RBFOX1: variants seen among roughly 807,000 people sequenced by gnomAD.
RBFOX1 encodes RNA binding protein fox-1 homolog 1.
RBFOX1 carries 8 observed loss-of-function variants against 57.7 expected under a neutral mutation model. The observed-to-expected ratio is 0.14, with a 90% CI of 0.08 to 0.25. The LOEUF (loss-of-function observed/expected upper bound fraction) is 0.25, where lower values mean the gene tolerates loss of function less well. Ranked by LOEUF, RBFOX1 falls within the 10% of genes least tolerant of loss-of-function variation. RBFOX1 has a pLI of 1.00. For missense variants in RBFOX1, 611 were observed against 548.5 expected, an observed-to-expected ratio of 1.11 and a Z score of -1.14; for synonymous variants, 326 against 222.4, an observed-to-expected ratio of 1.47 and a Z score of -4.15.
chr16:7,181,144 C>T (rs997541841), intron 4 of RBFOX1, among the ~76,000 whole-genome samples: 1 of 152,194 alleles, frequency 6.6e-6, no homozygotes, highest in African/African-American at 2.4e-5. Context: ...CCTTCCTTGT[C>T]ATGTGCCAGG....
At position 5,767,722 on chromosome 16, in the gene RBFOX1, G is replaced by C. The variant is rs555801823; in HGVS notation, c.319-99581G>C. On this transcript the variant is annotated intron_variant, in intron 3 of 19. Transcript: ENST00000641259. ...GGCATAAATGAAGCTTTGTTGACAG[G>C]GGAATCCTGTTTGCTGTAATTAGAT... Among the ~76,000 whole-genome samples the C allele has an allele frequency of 1.2e-3, 188 of 152,226 alleles. 1 individual carries two copies. Among genetic ancestry groups the C allele is most frequent in the African/African-American group, 4.3e-3 (177 of 41,542 alleles).
chr16:7,028,042 C>T (rs916224714), intron 3 of RBFOX1, among the ~76,000 whole-genome samples: 1 of 152,038 alleles, frequency 6.6e-6, no homozygotes, highest in Non-Finnish European at 1.5e-5. Context: ...TATTTAATCT[C>T]CAGCACAGAA....
rs1294787257 is a variant in RBFOX1 at position 6,230,951 on chromosome 16, G to A, written c.-126-86044G>A. Among the ~76,000 whole-genome samples, 3 of 152,146 alleles carry A rather than the reference G, an allele frequency of 2.0e-5. No homozygotes were observed. The East Asian group carries it at 5.8e-4, about 29-fold the overall frequency. ...GAAAATGAAGTAGATGTAGCCCTCT[G>A]ACTTTATAGGGGCTTGCAGTCTGGG... On this transcript the variant is annotated intron_variant, in intron 1 of 15. Transcript: ENST00000550418.
chr16:7,598,863 T>C (rs1424986236), intron 9 of RBFOX1, among the ~76,000 whole-genome samples: 3 of 152,202 alleles, frequency 2.0e-5, no homozygotes, highest in Non-Finnish European at 2.9e-5. Flanking sequence ...TAAATACTGA[T>C]TGTTTATCAC....
At chr16:5,754,183 T>C (rs2053315009) in intron 3 of RBFOX1, among the ~76,000 whole-genome samples, 1 of 152,192 alleles carries the variant, frequency 6.6e-6, no homozygotes, top group Admixed American at 6.5e-5. Flanking sequence ...TAGTTTTGAA[T>C]CCCACCTCTG....
intron 3 of RBFOX1, among the ~76,000 whole-genome samples, chr16:6,744,837 G>C (rs1317118949): frequency 1.3e-5 from 2 of 151,974 alleles, no homozygotes; most frequent in Non-Finnish European, 2.9e-5. Flanking sequence ...ATAAAGATCA[G>C]GGTTGAAATC....
chr16:7,692,263 G>T (rs1216038588), intron 14 of RBFOX1, among the ~76,000 whole-genome samples: 1 of 152,064 alleles, frequency 6.6e-6, no homozygotes, highest in Non-Finnish European at 1.5e-5. Context: ...TATTTTATTG[G>T]TGTAGAAATG....
At chr16:5,967,494 C>G (rs377555921) in intron 4 of RBFOX1, among the ~76,000 whole-genome samples, 123 of 152,292 alleles carry the variant, frequency 8.1e-4, no homozygotes, top group African/African-American at 2.8e-3. Context: ...TGACCATAAT[C>G]TGAGTGCTAG....
chr16:7,355,454 A>C (rs1238355642), intron 4 of RBFOX1, among the ~76,000 whole-genome samples: 1 of 152,042 alleles, frequency 6.6e-6, no homozygotes, highest in Non-Finnish European at 1.5e-5. Flanking sequence ...AACGATTTGG[A>C]GTGTGAGTCC....
chr16:6,068,221 C>T lies in RBFOX1; in HGVS notation c.-127+48229C>T, dbSNP rs527978428. 1.6e-4 allele frequency among the ~76,000 whole-genome samples: 24 copies of T among 152,324 alleles called. 1 individual carries two copies. The highest frequency in any genetic ancestry group is 5.8e-4 in the African/African-American group (24 of 41,582). ...TACATACCTGGCTTGTGGTCCAGTG[C>T]AAGCTCCCTGGCAGCTTGGGAAATG... is the stretch of plus-strand genomic sequence containing the variant. On this transcript the variant is annotated intron_variant, in intron 1 of 15. Transcript: ENST00000550418.
intron 3 of RBFOX1, among the ~76,000 whole-genome samples, chr16:5,748,268 ATTTGCTGAGGAGTGC>A (rs2053062724): frequency 1.3e-5 from 2 of 151,996 alleles, no homozygotes; most frequent in South Asian, 4.2e-4. Context: ...GTTCTTTTAC[ATTTGCTGAGGAGTGC>A]TTTACTTCCA....
At chr16:7,060,151 T>G (rs1040086070) in intron 4 of RBFOX1, among the ~76,000 whole-genome samples, 2 of 152,296 alleles carry the variant, frequency 1.3e-5, no homozygotes, top group Admixed American at 1.3e-4. Flanking sequence ...TGTGACTATT[T>G]TAGGACCTGA....
chr16:5,909,089 C>A (rs2343342), intron 4 of RBFOX1, among the ~76,000 whole-genome samples: 1 of 79,406 alleles, frequency 1.3e-5, no homozygotes, highest in African/African-American at 3.6e-5. Context: ...ACTAAGCCCC[C>A]CTTTTTTTTT....
At chr16:7,061,852 A>G (rs934393135) in intron 4 of RBFOX1, among the ~76,000 whole-genome samples, 10 of 152,134 alleles carry the variant, frequency 6.6e-5, no homozygotes, top group African/African-American at 2.4e-4. Flanking sequence ...CCATTTCAGG[A>G]GAAAAAAAAA....
chr16:7,230,004 G>C (rs1285287937), intron 4 of RBFOX1, among the ~76,000 whole-genome samples: 1 of 129,092 alleles, frequency 7.7e-6, no homozygotes, highest in Non-Finnish European at 1.6e-5. Context: ...GGGAGGAAGG[G>C]AGAGAGAGGG....
chr16:5,955,361 T>TAAATA (rs2059613721), intron 4 of RBFOX1, among the ~76,000 whole-genome samples: 1 of 23,792 alleles, frequency 4.2e-5, no homozygotes, highest in Non-Finnish European at 6.8e-5. Context: ...TAAATAAAAA[T>TAAATA]AAAATAAAAT....
chr16:6,227,915 G>A (rs942911775), intron 1 of RBFOX1, among the ~76,000 whole-genome samples: 2 of 152,172 alleles, frequency 1.3e-5, no homozygotes, highest in African/African-American at 2.4e-5. Context: ...ACTACCATAT[G>A]ATTCAGCAAC....
At chr16:6,818,387 G>A (rs371062366) in intron 3 of RBFOX1, among the ~76,000 whole-genome samples, 3 of 152,102 alleles carry the variant, frequency 2.0e-5, no homozygotes, top group African/African-American at 7.2e-5. Flanking sequence ...ACCAAGTTTA[G>A]AAGAAATGAA....
chr16:7,220,792 A>AT (rs1184619421), intron 4 of RBFOX1, among the ~76,000 whole-genome samples: 1 of 152,124 alleles, frequency 6.6e-6, no homozygotes, highest in Non-Finnish European at 1.5e-5. Context: ...TACAATCAGC[A>AT]TTTTAAATAG....
Sources: gnomAD v4.1 joint callset for allele counts (sites outside exome capture counted in the v4.1 genomes callset) on GRCh38, gnomAD v4.1.1 for gene constraint, MANE v1.5 for transcripts, NCBI Gene and HGNC (gene_info 2026-07-23, HGNC 2026-07-21) for gene names.